Variants in LRCH2 observed in about 807,000 individuals in gnomAD.
The protein encoded by LRCH2 is leucine-rich repeat and calponin homology domain-containing protein 2.
Under a neutral mutation model 68.9 loss-of-function variants are expected in LRCH2, and 38 were observed. The ratio of observed to expected loss-of-function variants is 0.55; its 90% CI spans 0.43 to 0.72. The LOEUF (loss-of-function observed/expected upper bound fraction) is 0.72. Ranked by LOEUF, LRCH2 falls within the 30% of genes least tolerant of loss-of-function variation. The pLI is 0.00. For missense variants in LRCH2, 528 were observed against 572.9 expected (o/e 0.92, Z 0.80); for synonymous variants, 191 against 208.1 (o/e 0.92, Z 0.71).
At chrX:115,227,481 A>G (rs368394037) in intron 1 of LRCH2, among the ~76,000 whole-genome samples, 74 of 109,864 alleles carry the variant, frequency 6.7e-4, no homozygotes, top group Middle Eastern at 4.7e-3. Flanking sequence ...CAAAATATCT[A>G]TATGACAAAT....
chrX:115,204,960 T>C (rs1025916339), intron 1 of LRCH2, among the ~76,000 whole-genome samples: 2 of 111,983 alleles, frequency 1.8e-5, no homozygotes, highest in Non-Finnish European at 3.8e-5. Flanking sequence ...TCTGTATTAG[T>C]CCATTCTCAC....
chrX:115,138,039 G>A, intron 14 of LRCH2, among the ~76,000 whole-genome samples: 1 of 111,268 alleles, frequency 9.0e-6, no homozygotes, highest in Non-Finnish European at 1.9e-5. Flanking sequence ...GGTAGTGTCA[G>A]GGCTCAGAAA....
At chrX:115,174,530 G>C (rs1395366610) in intron 5 of LRCH2, among the ~76,000 whole-genome samples, 2 of 107,469 alleles carry the variant, frequency 1.9e-5, no homozygotes, top group Non-Finnish European at 3.8e-5. Flanking sequence ...CCATGTTGTT[G>C]CAAATGACAG....
At chrX:115,131,735 G>A (rs2072247337) in intron 14 of LRCH2, among the ~76,000 whole-genome samples, 1 of 111,754 alleles carries the variant, frequency 8.9e-6, no homozygotes, top group African/African-American at 3.3e-5. Flanking sequence ...GTGTAAAAGT[G>A]TTCCTATTTC....
At chrX:115,233,587 C>A in intron 1 of LRCH2, 106 bp downstream of exon 1, 1 of 861,980 alleles carries the variant, frequency 1.2e-6, no homozygotes. Context: ...CTGGCGGTCC[C>A]CGCGCACCCG....
chrX:115,189,411 C>T (rs1178129080), intron 1 of LRCH2: 2 of 1,147,216 alleles, frequency 1.7e-6, no homozygotes, highest in Admixed American at 2.7e-5. Flanking sequence ...TCACTTCCCA[C>T]TTCCTCTGAC....
At chrX:115,174,424 T>TC (rs2072629430) in intron 5 of LRCH2, among the ~76,000 whole-genome samples, 1 of 107,079 alleles carries the variant, frequency 9.3e-6, no homozygotes, top group Non-Finnish European at 1.9e-5. Flanking sequence ...GAGTTCAACT[T>TC]TTTTTTTTTA....
intron 20 of LRCH2, among the ~76,000 whole-genome samples, chrX:115,122,218 AAAG>A (rs1468484179): frequency 1.8e-5 from 2 of 110,465 alleles, no homozygotes; most frequent in Admixed American, 9.8e-5. Flanking sequence ...AAAAAAAAAA[AAAG>A]AAGGAAAAAA....
intron 1 of LRCH2, among the ~76,000 whole-genome samples, chrX:115,201,613 GAT>G (rs1556566237): frequency 9.0e-6 from 1 of 111,655 alleles, no homozygotes; most frequent in African/African-American, 3.3e-5. Context: ...ACAAGACAAA[GAT>G]GCTCACTTTC....
At chrX:115,168,499 T>C (rs952934282) in intron 6 of LRCH2, among the ~76,000 whole-genome samples, 1 of 112,164 alleles carries the variant, frequency 8.9e-6, no homozygotes, top group African/African-American at 3.2e-5. Flanking sequence ...ATTAATTACA[T>C]GTTGAAATGA....
At chrX:115,193,289 T>C (rs1364706780) in intron 1 of LRCH2, among the ~76,000 whole-genome samples, 3 of 112,315 alleles carry the variant, frequency 2.7e-5, no homozygotes, top group Non-Finnish European at 5.6e-5. Context: ...TACCGATGAA[T>C]TGCAAATTAA....
intron 20 of LRCH2, among the ~76,000 whole-genome samples, chrX:115,118,944 A>T (rs1411233456): frequency 8.9e-6 from 1 of 111,970 alleles, no homozygotes; most frequent in African/African-American, 3.3e-5. Context: ...TAGATGCAGA[A>T]AAGAACTTTG....
intron 20 of LRCH2, among the ~76,000 whole-genome samples, chrX:115,118,327 A>G (rs2072102478): frequency 9.0e-6 from 1 of 111,088 alleles, no homozygotes; most frequent in African/African-American, 3.3e-5. Flanking sequence ...AAAAAATGAT[A>G]AAGGGGACAT....
intron 1 of LRCH2, among the ~76,000 whole-genome samples, chrX:115,227,041 G>A (rs1367075161): frequency 9.0e-6 from 1 of 111,257 alleles, no homozygotes; most frequent in Non-Finnish European, 1.9e-5. Context: ...TTTGTTGTAT[G>A]GGGCTGTCCT....
At chrX:115,191,694 C>T (rs782556888) in intron 1 of LRCH2, 17 of 1,162,961 alleles carry the variant, frequency 1.5e-5, no homozygotes, top group African/African-American at 3.7e-5. Flanking sequence ...TCGATGCCAA[C>T]AGCAGTGGCC....
intron 1 of LRCH2, among the ~76,000 whole-genome samples, chrX:115,204,732 G>T (rs781828766): frequency 2.7e-5 from 3 of 111,432 alleles, no homozygotes; most frequent in Non-Finnish European, 3.8e-5. Context: ...ATCTCCATCT[G>T]AGACCACCTC....
intron 14 of LRCH2, among the ~76,000 whole-genome samples, chrX:115,145,805 G>A (rs1455173400): frequency 9.0e-6 from 1 of 111,653 alleles, no homozygotes; most frequent in Non-Finnish European, 1.9e-5. Context: ...TGGTGAGGAT[G>A]TGGAGAAAAG....
chrX:115,190,618 A>AGGGGCCGCTCGCCCAACGCCCACAGCG (rs66891148), intron 1 of LRCH2: 1 of 1,145,925 alleles, frequency 8.7e-7, no homozygotes, highest in Non-Finnish European at 1.2e-6. Flanking sequence ...CGAGGAGTAC[A>AGGGGCCGCTCGCCCAACGCCCACAGCG]GAGGCCGCTC....
intron 1 of LRCH2, chrX:115,191,965 C>T (rs1346469564): frequency 2.1e-5 from 25 of 1,164,009 alleles, no homozygotes; most frequent in Non-Finnish European, 2.4e-5. Context: ...CAGTGGGGGC[C>T]GTGACAGTTC....
Sources: allele counts gnomAD v4.1 joint callset (sites outside exome capture counted in the v4.1 genomes callset), GRCh38; gene constraint gnomAD v4.1.1; transcripts MANE v1.5; gene names NCBI Gene and HGNC (gene_info 2026-07-23, HGNC 2026-07-21).